The following CDH4 variants were observed in gnomAD, a reference collection of about 807,000 sequenced individuals.
The protein encoded by CDH4 is cadherin-4.
CDH4 carries 33 observed loss-of-function variants against 86.0 expected under a neutral mutation model. The observed-to-expected ratio is 0.38, with a 90% CI of 0.29 to 0.51. The LOEUF is 0.51. Ranked by LOEUF, CDH4 falls within the 20% of genes least tolerant of loss-of-function variation. CDH4 has a pLI of 0.86. For missense variants in CDH4, 1,114 were observed against 1,307.4 expected (o/e 0.85, Z 2.28); for synonymous variants, 555 against 549.4 (o/e 1.01, Z -0.14).
At position 61,822,612 on chromosome 20, in the gene CDH4, G is replaced by A. The variant is rs567107040; in HGVS notation, c.577-22056G>A. 2.0e-5 allele frequency among the ~76,000 whole-genome samples: 3 copies of A among 152,328 alleles called. No individual in the cohort carries two copies. The South Asian group carries it at 6.2e-4, about 32-fold the overall frequency. On this transcript the variant is annotated intron_variant, in intron 4 of 15. Transcript: ENST00000614565. ...AGGGACACCATGGCGTCATCTGAGG[G>A]TGGAGCAGTCAGTGGGAACATCTAG...
At chr20:61,396,822 G>A (rs914769454) in intron 2 of CDH4, among the ~76,000 whole-genome samples, 1 of 152,166 alleles carries the variant, frequency 6.6e-6, no homozygotes, top group African/African-American at 2.4e-5. Context: ...GCCCTGGGGT[G>A]GGGAGGGATG....
chr20:61,692,209 C>CTATG (rs757981535), intron 2 of CDH4, among the ~76,000 whole-genome samples: 1 of 147,172 alleles, frequency 6.8e-6, no homozygotes, highest in Non-Finnish European at 1.5e-5. Context: ...GTGTGTATGT[C>CTATG]TATGTATGTA....
intron 2 of CDH4, chr20:61,719,089 G>T (rs1014001282): frequency 2.1e-6 from 1 of 470,956 alleles, no homozygotes; most frequent in Non-Finnish European, 4.4e-6. Flanking sequence ...GAAAGCAAAT[G>T]ATCAAAATCG....
intron 13 of CDH4, among the ~76,000 whole-genome samples, chr20:61,930,983 G>A (rs1539472): frequency 0.026 from 3,980 of 152,328 alleles, 72 homozygotes; most frequent in African/African-American, 0.049. Context: ...GAGGGCAGCC[G>A]CAGTGGAGGG....
At chr20:61,655,167 G>A (rs1036325747) in intron 2 of CDH4, among the ~76,000 whole-genome samples, 1 of 152,210 alleles carries the variant, frequency 6.6e-6, no homozygotes, top group Admixed American at 6.5e-5. Context: ...GCATATATGT[G>A]TATATGTCTG....
intron 2 of CDH4, among the ~76,000 whole-genome samples, chr20:61,627,061 G>C (rs545019484): frequency 6.6e-6 from 1 of 152,152 alleles, no homozygotes; most frequent in Non-Finnish European, 1.5e-5. Context: ...CAGAAGAAGC[G>C]TGTTTTGGAG....
Position 61,409,829 on chromosome 20 carries a change from A to T in CDH4, c.169+154892A>T, listed in dbSNP as rs553283553. On this transcript the variant is annotated intron_variant, in intron 2 of 15. Transcript: ENST00000614565. ...GACAATAGGTAGCTAAGAATATTCA[A>T]TGCTTCAGAAGCTCATCATCATAAT... Among the ~76,000 whole-genome samples, 5 of 152,346 alleles carry T rather than the reference A, an allele frequency of 3.3e-5. No individual in the cohort carries two copies. In the South Asian group the frequency reaches 1.0e-3, roughly 32 times the overall value.
At chr20:61,421,989 G>A (rs1350931639) in intron 2 of CDH4, among the ~76,000 whole-genome samples, 1 of 152,124 alleles carries the variant, frequency 6.6e-6, no homozygotes. Flanking sequence ...CACAGGCCGC[G>A]GCTATCACCA....
intron 2 of CDH4, among the ~76,000 whole-genome samples, chr20:61,553,007 C>G (rs2086145880): frequency 6.6e-6 from 1 of 152,168 alleles, no homozygotes; most frequent in African/African-American, 2.4e-5. Context: ...ATAGCAGTAC[C>G]ATTCATAGTA....
In CDH4 at chr20:61,417,605, C is replaced by T. The variant is rs1012332884; in HGVS notation, c.169+162668C>T. Among the ~76,000 whole-genome samples the T allele has an allele frequency of 2.0e-5, 3 of 152,228 alleles. No individual in the cohort carries two copies. The highest frequency in any genetic ancestry group is 7.2e-5 in the African/African-American group (3 of 41,462). The stretch of plus-strand genomic sequence containing the variant: ...TTCTGGCTGGAATGCATTTCTGTAT[C>T]GCTATCTAGCAGGGCTGTAAATTGG... On this transcript the variant is annotated intron_variant, in intron 2 of 15. Coordinates refer to ENST00000614565, the MANE Select transcript of CDH4 (RefSeq NM_001794.5). The surrounding 1 kb of genome is among the most constrained non-coding windows in gnomAD (Gnocchi z 4.0).
intron 2 of CDH4, among the ~76,000 whole-genome samples, chr20:61,338,071 A>T (rs543583654): frequency 7.9e-4 from 120 of 152,314 alleles, no homozygotes; most frequent in African/African-American, 2.7e-3. Context: ...CAGAGAATCC[A>T]GTAATAAGGA....
intron 2 of CDH4, among the ~76,000 whole-genome samples, chr20:61,732,735 C>T (rs541468071): frequency 2.2e-4 from 34 of 152,338 alleles, no homozygotes; most frequent in African/African-American, 3.4e-4. Context: ...CGGTGTGCAC[C>T]GCTCGTCCCC....
rs1025739842 is a variant in CDH4, at chr20:61,681,185, CT to C, written c.170-62371del. Among the ~76,000 whole-genome samples the C allele has an allele frequency of 3.3e-5, 5 of 152,174 alleles. No homozygotes were observed. Among genetic ancestry groups the C allele is most frequent in the Non-Finnish European group, 5.9e-5 (4 of 68,032 alleles). On this transcript the variant is annotated intron_variant, in intron 2 of 15. Coordinates refer to ENST00000614565, the MANE Select transcript of CDH4 (RefSeq NM_001794.5). The surrounding 1 kb of genome is among the most constrained non-coding windows in gnomAD (Gnocchi z 4.5). ...AACACCCGCCCTCACGTCCTAATGG[CT>C]TTTTTTCTCTTTCAGCCACACACAG...
intron 2 of CDH4, among the ~76,000 whole-genome samples, chr20:61,274,586 CTGTGTGCAGCTTGGGGGAGTACCG>C (rs2084214727): frequency 4.1e-5 from 1 of 24,368 alleles, no homozygotes; most frequent in African/African-American, 1.1e-4. Context: ...TGGGGGAGTA[CTGTGTGCAGCTTGGGGGAGTACCG>C]TGTGCAGTTT....
At chr20:61,661,160 TCCCCAAGCTCCA>T (rs1331623096) in intron 2 of CDH4, among the ~76,000 whole-genome samples, 1 of 143,484 alleles carries the variant, frequency 7.0e-6, no homozygotes, top group African/African-American at 2.6e-5. Flanking sequence ...TTGCACCTGC[TCCCCAAGCTCCA>T]CCTGGGAAGG....
At chr20:61,496,715 A>G (rs1218398223) in intron 2 of CDH4, among the ~76,000 whole-genome samples, 4 of 152,218 alleles carry the variant, frequency 2.6e-5, no homozygotes, top group Non-Finnish European at 4.4e-5. Context: ...GAAAGTTCTC[A>G]TATCCTTGTT....
intron 2 of CDH4, among the ~76,000 whole-genome samples, chr20:61,595,868 G>A (rs1236244153): frequency 6.6e-6 from 1 of 152,238 alleles, no homozygotes; most frequent in East Asian, 1.9e-4. Flanking sequence ...TGAGCACAGT[G>A]GGGGTGAATG....
intron 2 of CDH4, among the ~76,000 whole-genome samples, chr20:61,408,437 G>C (rs1386172135): frequency 6.6e-6 from 1 of 152,192 alleles, no homozygotes; most frequent in Non-Finnish European, 1.5e-5. Flanking sequence ...ACATGCATGA[G>C]TAAAAGTTGA....
At chr20:61,455,617 A>G (rs976461203) in intron 2 of CDH4, among the ~76,000 whole-genome samples, 9 of 152,204 alleles carry the variant, frequency 5.9e-5, no homozygotes, top group East Asian at 1.9e-4. Context: ...AGCCAGCCAC[A>G]TGTGGAGCTT....
Sources: allele counts gnomAD v4.1 joint callset (sites outside exome capture counted in the v4.1 genomes callset), GRCh38; gene constraint gnomAD v4.1.1; non-coding constraint Gnocchi (gnomAD v3.1); transcripts MANE v1.5; gene names NCBI Gene and HGNC (gene_info 2026-07-23, HGNC 2026-07-21).